TARS3: variants seen among roughly 807,000 people sequenced by gnomAD.
TARS3 encodes the protein threonine--tRNA ligase 2, cytoplasmic.
TARS3 carries 94 observed loss-of-function variants against 103.5 expected under a neutral mutation model. The ratio of observed to expected loss-of-function variants is 0.91; its 90% CI spans 0.77 to 1.08. TARS3 has a LOEUF of 1.08. TARS3 is among the 50% of genes least tolerant of loss of function. The pLI is 0.00. For missense variants in TARS3, 952 were observed against 995.2 expected (o/e 0.96, Z 0.58); for synonymous variants, 416 against 355.4 (o/e 1.17, Z -1.92).
intron 18 of TARS3, chr15:101,655,902 A>T: frequency 7.8e-7 from 1 of 1,289,120 alleles, no homozygotes; most frequent in Non-Finnish European, 1.0e-6. Flanking sequence ...GACCCATGCG[A>T]GCCAGCCAGA....
intron 7 of TARS3, among the ~76,000 whole-genome samples, chr15:101,704,611 C>T (rs972347873): frequency 3.3e-5 from 5 of 149,706 alleles, no homozygotes; most frequent in South Asian, 2.1e-4. Flanking sequence ...ACCGAGGTCG[C>T]GCCATCGCAC....
chr15:101,686,038 T>G lies in TARS3; in HGVS notation c.1345A>C (p.Thr449Pro), dbSNP rs201848828. 1.2e-4 allele frequency: 193 copies of G among 1,611,236 alleles called. No individual in the cohort carries two copies. The highest frequency in any genetic ancestry group is 1.2e-3 in the Middle Eastern group (7 of 6,054). ...IREEYHKRDFTEVLSPNMYNS... is the reference protein window; with the variant it reads ...IREEYHKRDFPEVLSPNMYNS... The stretch of plus-strand genomic sequence containing the variant: ...TACATATTGGGAGAGAGCACCTCCG[T>G]GAAGTCCCGTTTGTGATATTCCTCC... Residue 449 changes from threonine to proline, a missense_variant, in exon 11 of 19, where the codon ACG (threonine) becomes CCG (proline). Physicochemically the swap from Thr to Pro is conservative, Grantham distance 38. This residue lies in a region of TARS3 where 540 missense variants were observed against 631.0 expected (regional missense o/e 0.86). Coordinates refer to ENST00000335968, the MANE Select transcript of TARS3 (RefSeq NM_152334.3).
intron 1 of TARS3, 101 bp downstream of exon 1, chr15:101,723,990 G>A (rs1455837272): frequency 1.1e-5 from 13 of 1,145,848 alleles, no homozygotes; most frequent in Non-Finnish European, 1.5e-5. Context: ...CACTCCCCCG[G>A]GGCGCCCCCG....
chr15:101,721,262 C>A lies in TARS3; in HGVS notation c.430G>T (p.Asp144Tyr). The change falls in exon 3 of 19, where the codon GAC (aspartate) becomes TAC (tyrosine). Residue 144 changes from aspartate to tyrosine, a missense_variant. Physicochemically the swap from Asp to Tyr is radical, Grantham distance 160. This residue lies in a region of TARS3 where 412 missense variants were observed against 364.2 expected (regional missense o/e 1.13). Coordinates refer to ENST00000335968, the MANE Select transcript of TARS3 (RefSeq NM_152334.3). ...TAAATGGCAAGTAAGAGCTGATGGT[C>A]TTTCTTCAGTATTTCAAAAAGCTTC... is the stretch of plus-strand genomic sequence containing the variant. The part of the protein sequence containing the change: ...RLKLFEILKK[D>Y]HQLLLAIYGK... 6.2e-7 allele frequency: 1 copy of A among 1,613,694 alleles called. No individual in the cohort carries two copies. Among genetic ancestry groups the A allele is most frequent in the South Asian group, 1.1e-5 (1 of 91,056 alleles).
intron 6 of TARS3, among the ~76,000 whole-genome samples, chr15:101,708,559 C>T (rs921501696): frequency 6.6e-6 from 1 of 152,132 alleles, no homozygotes; most frequent in Non-Finnish European, 1.5e-5. Context: ...TATAAACACA[C>T]ATGTGAAAAT....
In TARS3 at chr15:101,701,411, C is replaced by T. The variant is rs536649486; in HGVS notation, c.1222-227G>A. Among the ~76,000 whole-genome samples, 40 of 152,280 alleles carry T rather than the reference C, an allele frequency of 2.6e-4. No individual in the cohort carries two copies. The South Asian group carries it at 7.5e-3, about 28-fold the overall frequency. On this transcript the variant is annotated intron_variant, in intron 9 of 18. Transcript: ENST00000335968. ...TTACTTCACCTTCTGCTATTCTCTGCGAATTTTCTTACTTGGCACACTTGG... is the reference window on the plus strand; with the variant it reads ...TTACTTCACCTTCTGCTATTCTCTGTGAATTTTCTTACTTGGCACACTTGG...
chr15:101,688,519 C>T (rs1898571323), intron 10 of TARS3, among the ~76,000 whole-genome samples: 1 of 152,166 alleles, frequency 6.6e-6, no homozygotes, highest in Admixed American at 6.5e-5. Flanking sequence ...ACCTAGTGAT[C>T]TGGCCACTTA....
chr15:101,697,139 C>T (rs1481852903), intron 10 of TARS3, among the ~76,000 whole-genome samples: 2 of 152,142 alleles, frequency 1.3e-5, no homozygotes, highest in South Asian at 2.1e-4. Flanking sequence ...CCTTGAAATG[C>T]CTGCTTCTGG....
In TARS3 at chr15:101,657,032, G is replaced by T. The variant is rs748738004; in HGVS notation, c.2150C>A (p.Ser717Tyr). Residue 717 changes from serine to tyrosine, a missense_variant, in exon 18 of 19, where the codon TCC becomes TAC. By Grantham distance (144) the Ser-to-Tyr change is moderately radical. Coordinates refer to ENST00000335968, the MANE Select transcript of TARS3 (RefSeq NM_152334.3). ...AAATCCTTCTTCAAAAAATTCACTG[G>T]ATACCTAGAAGAAAATGAAACACCT... ...PTCEKYALQV[S>Y]SEFFEEGFMA... 3 of 1,605,184 alleles carry T rather than the reference G, an allele frequency of 1.9e-6. No individual in the cohort carries two copies. Among genetic ancestry groups the T allele is most frequent in the Non-Finnish European group, 2.6e-6 (3 of 1,172,240 alleles).
chr15:101,668,720 G>C (rs148857560), intron 15 of TARS3, among the ~76,000 whole-genome samples: 3 of 152,106 alleles, frequency 2.0e-5, no homozygotes, highest in Non-Finnish European at 4.4e-5. Flanking sequence ...CATGCACTGC[G>C]TAACAGTGTT....
At position 101,683,866 on chromosome 15, in the gene TARS3, T is replaced by C. The variant is rs145726607; in HGVS notation, c.1650+209A>G. 2.9e-3 allele frequency among the ~76,000 whole-genome samples: 436 copies of C among 152,354 alleles called. 2 individuals are homozygous for C. Among genetic ancestry groups the C allele is most frequent in the African/African-American group, 9.9e-3 (410 of 41,586 alleles). On this transcript the variant is annotated intron_variant, in intron 12 of 18. Coordinates refer to ENST00000335968, the MANE Select transcript of TARS3 (RefSeq NM_152334.3). ...AATACTCCACTTAATGGAATTTAGG[T>C]TAATAAAATCACTGAAGGAATATAT... is the stretch of plus-strand genomic sequence containing the variant.
chr15:101,722,582 G>A (rs1310877462), intron 2 of TARS3, among the ~76,000 whole-genome samples: 34 of 145,370 alleles, frequency 2.3e-4, no homozygotes, highest in East Asian at 4.1e-4. Context: ...CAAGGTGGGC[G>A]GATCATGAGG....
rs1290980122 is a variant in TARS3 at position 101,723,296 on chromosome 15, C to CT, written c.298-133dup. 11 of 709,348 alleles carry CT rather than the reference C, an allele frequency of 1.6e-5. No individual in the cohort carries two copies. In the Admixed American group the frequency reaches 2.8e-4, roughly 18 times the overall value. 43.9% of individuals were successfully genotyped at this position (709,348 alleles called of 1,614,324 possible). A position where few individuals can be genotyped will look rare whatever the true frequency, so the allele number is the denominator to read the frequency against. ...ATAGCTGGGCTCTCCTGACCACCAG[C>CT]TACAGCTCTCAGTGGGCAAGTCATT... On this transcript the variant is annotated intron_variant, in intron 1 of 18. Transcript: ENST00000335968.
At chr15:101,686,946 C>A (rs1427295575) in intron 10 of TARS3, among the ~76,000 whole-genome samples, 1 of 151,790 alleles carries the variant, frequency 6.6e-6, no homozygotes, top group African/African-American at 2.4e-5. Context: ...GCTAAAAAAA[C>A]ATAAAACATA....
chr15:101,708,256 T>G (rs536656074), intron 6 of TARS3, among the ~76,000 whole-genome samples: 1 of 28,260 alleles, frequency 3.5e-5, no homozygotes, highest in African/African-American at 1.7e-4. Context: ...AGACTCTGTC[T>G]GAAAAAAAAA....
Position 101,693,313 on chromosome 15 carries a change from A to G in TARS3, c.1321-7251T>C, listed in dbSNP as rs138930093. ...GAAGGCAAAGGAGAAGCAAAGGCACATCTTAAATGGCAGCAGGCAAGGGAC... is the reference window on the plus strand; with the variant it reads ...GAAGGCAAAGGAGAAGCAAAGGCACGTCTTAAATGGCAGCAGGCAAGGGAC... On this transcript the variant is annotated intron_variant, in intron 10 of 18. Transcript: ENST00000335968. Among the ~76,000 whole-genome samples, 422 of 152,310 alleles carry G rather than the reference A, an allele frequency of 2.8e-3. 3 individuals are homozygous for G. Among genetic ancestry groups the G allele is most frequent in the African/African-American group, 9.7e-3 (405 of 41,576 alleles).
At chr15:101,694,718 T>C (rs1468229321) in intron 10 of TARS3, among the ~76,000 whole-genome samples, 1 of 152,242 alleles carries the variant, frequency 6.6e-6, no homozygotes, top group African/African-American at 2.4e-5. Context: ...AGATATATCA[T>C]GCAAACACTA....
intron 3 of TARS3, among the ~76,000 whole-genome samples, chr15:101,715,412 C>T (rs1900102651): frequency 6.6e-6 from 1 of 152,074 alleles, no homozygotes; most frequent in African/African-American, 2.4e-5. Context: ...TCCCAAAGTG[C>T]TGGGATTACA....
intron 5 of TARS3, among the ~76,000 whole-genome samples, chr15:101,710,611 G>A (rs1191402596): frequency 1.3e-5 from 2 of 152,230 alleles, no homozygotes; most frequent in Non-Finnish European, 2.9e-5. Context: ...ACACCTTTGA[G>A]ATAAGAATTG....
Sources: allele counts gnomAD v4.1 joint callset (sites outside exome capture counted in the v4.1 genomes callset), GRCh38; gene constraint gnomAD v4.1.1; regional missense constraint gnomAD v4.1.1; transcripts MANE v1.5; gene names NCBI Gene and HGNC (gene_info 2026-07-23, HGNC 2026-07-21).